Variants in FSTL4 observed in about 807,000 individuals in gnomAD.
The protein encoded by FSTL4 is follistatin-related protein 4.
FSTL4 carries 28 observed loss-of-function variants against 78.2 expected under a neutral mutation model. The ratio of observed to expected loss-of-function variants is 0.36; its 90% CI spans 0.27 to 0.49. The LOEUF (loss-of-function observed/expected upper bound fraction) is 0.49, where lower values mean the gene tolerates loss of function less well. Ranked by LOEUF, FSTL4 falls within the 20% of genes least tolerant of loss-of-function variation. The pLI is 0.98. For synonymous variants in FSTL4, 422 were observed against 440.5 expected, an observed-to-expected ratio of 0.96 and a Z score of 0.53; for missense variants, 922 against 1,084.9, an observed-to-expected ratio of 0.85 and a Z score of 2.11.
intron 2 of FSTL4, among the ~76,000 whole-genome samples, chr5:133,582,929 C>T (rs17693886): frequency 0.23 from 34,733 of 151,990 alleles, 4,266 homozygotes; most frequent in East Asian, 0.29. Flanking sequence ...CATCCCATAG[C>T]GCAGGGGTGC....
Position 133,458,730 on chromosome 5 carries a change from C to A in FSTL4, c.161-57744G>T, listed in dbSNP as rs140583842. Among the ~76,000 whole-genome samples, 407 of 152,368 alleles carry A rather than the reference C, an allele frequency of 2.7e-3. 1 individual carries two copies. Among genetic ancestry groups the A allele is most frequent in the African/African-American group, 9.4e-3 (389 of 41,588 alleles). ...TACCAGGGCCTCACAGACACAAGCA[C>A]TGGCATCACTGTTGTCTGTGGGAGT... is the stretch of plus-strand genomic sequence containing the variant. On this transcript the variant is annotated intron_variant, in intron 3 of 15. Coordinates refer to ENST00000265342, the MANE Select transcript of FSTL4 (RefSeq NM_015082.2).
At chr5:133,442,441 C>A (rs934912527) in intron 3 of FSTL4, among the ~76,000 whole-genome samples, 7 of 152,014 alleles carry the variant, frequency 4.6e-5, no homozygotes, top group Admixed American at 3.3e-4. Flanking sequence ...TTTTATTGAG[C>A]CTTCTCTTCT....
intron 7 of FSTL4, chr5:133,246,508 A>G (rs1213711835): frequency 6.6e-6 from 1 of 152,234 alleles, no homozygotes; most frequent in Non-Finnish European, 1.5e-5. Context: ...CCATGTAAGG[A>G]GCACATCATG....
chr5:133,280,567 C>T (rs1227398624), intron 6 of FSTL4, among the ~76,000 whole-genome samples: 1 of 152,212 alleles, frequency 6.6e-6, no homozygotes, highest in African/African-American at 2.4e-5. Flanking sequence ...AGCCCCAAAG[C>T]AGGTCTCCAA....
chr5:133,240,095 A>G (rs1751795384), intron 7 of FSTL4, among the ~76,000 whole-genome samples: 4 of 152,332 alleles, frequency 2.6e-5, no homozygotes, highest in Admixed American at 2.6e-4. Context: ...TATCAGCTGC[A>G]ACACTCACCC....
At chr5:133,239,984 A>C (rs556449335) in intron 7 of FSTL4, among the ~76,000 whole-genome samples, 2 of 152,344 alleles carry the variant, frequency 1.3e-5, no homozygotes, top group South Asian at 4.1e-4. Flanking sequence ...CCGGAGTCAG[A>C]AGTGGCAACA....
intron 3 of FSTL4, among the ~76,000 whole-genome samples, chr5:133,525,399 A>G (rs1025937345): frequency 3.4e-4 from 51 of 152,156 alleles, no homozygotes; most frequent in African/African-American, 1.2e-3. Flanking sequence ...ACTGAGAAAG[A>G]GCTGCTTAGG....
chr5:133,214,003 T>C (rs191318259), intron 13 of FSTL4, among the ~76,000 whole-genome samples: 2 of 152,246 alleles, frequency 1.3e-5, no homozygotes, highest in Non-Finnish European at 2.9e-5. Context: ...TTACCAGAGA[T>C]AAAGAGGGAT....
At chr5:133,201,800 G>C (rs115912018) in intron 15 of FSTL4, 133 bp downstream of exon 15, 306 of 566,818 alleles carry the variant, frequency 5.4e-4, no homozygotes, top group African/African-American at 5.2e-3. Flanking sequence ...CTGTTCCTTC[G>C]TGATGGGGTC....
chr5:133,482,150 TG>T (rs1213199394), intron 3 of FSTL4, among the ~76,000 whole-genome samples: 1 of 152,212 alleles, frequency 6.6e-6, no homozygotes, highest in African/African-American at 2.4e-5. Context: ...AGACTGTTGA[TG>T]GAATCTGCTC....
In FSTL4 at chr5:133,496,928, G is replaced by A. The variant is rs537566316; in HGVS notation, c.160+70258C>T. Among the ~76,000 whole-genome samples the A allele has an allele frequency of 5.6e-4, 85 of 152,084 alleles. 1 individual carries two copies. Among genetic ancestry groups the A allele is most frequent in the Admixed American group, 3.7e-3 (56 of 15,278 alleles). On this transcript the variant is annotated intron_variant, in intron 3 of 15. Transcript: ENST00000265342. Reference sequence around the variant, plus strand: ...CCCTGACTCCCCCTTACTGCCTCCCGCCCATCTTCTGGTCTTAGCCAGCCC... The same window carrying A: ...CCCTGACTCCCCCTTACTGCCTCCCACCCATCTTCTGGTCTTAGCCAGCCC...
At chr5:133,251,422 T>C (rs1160814417) in intron 6 of FSTL4, among the ~76,000 whole-genome samples, 1 of 152,204 alleles carries the variant, frequency 6.6e-6, no homozygotes, top group Non-Finnish European at 1.5e-5. Context: ...GCTCCTGGTA[T>C]GGAAACAGGC....
the FSTL4 span, among the ~76,000 whole-genome samples, chr5:133,701,146 T>C: frequency 1.3e-5 from 2 of 152,096 alleles, no homozygotes; most frequent in African/African-American, 4.8e-5. Flanking sequence ...CTCATGCATG[T>C]AAACCCAGCA....
At chr5:133,378,987 TA>T (rs371279257) in intron 4 of FSTL4, among the ~76,000 whole-genome samples, 3 of 152,088 alleles carry the variant, frequency 2.0e-5, no homozygotes, top group African/African-American at 7.2e-5. Context: ...TCAGACTGGA[TA>T]AAAAAGTAAT....
chr5:133,482,046 C>T (rs1580737009), intron 3 of FSTL4, among the ~76,000 whole-genome samples: 1 of 152,202 alleles, frequency 6.6e-6, no homozygotes, highest in South Asian at 2.1e-4. Context: ...TGCGGTCTGG[C>T]GATGTCTGCC....
intron 3 of FSTL4, among the ~76,000 whole-genome samples, chr5:133,555,344 A>C (rs1286427674): frequency 6.6e-6 from 1 of 152,228 alleles, no homozygotes; most frequent in East Asian, 1.9e-4. Context: ...TTATTTTCAG[A>C]GGAAGCCTTG....
chr5:133,474,834 A>G (rs1011568771), intron 3 of FSTL4, among the ~76,000 whole-genome samples: 1 of 152,212 alleles, frequency 6.6e-6, no homozygotes, highest in African/African-American at 2.4e-5. Flanking sequence ...GTTTTGACTG[A>G]TAAGTATCTC....
chr5:133,718,098 G>GTT, the FSTL4 span, among the ~76,000 whole-genome samples: 1 of 150,184 alleles, frequency 6.7e-6, no homozygotes, highest in South Asian at 2.1e-4. Context: ...TTTGGTTTTT[G>GTT]GTTTTTTTTT....
chr5:133,525,103 C>T (rs1377945642), intron 3 of FSTL4, among the ~76,000 whole-genome samples: 1 of 152,168 alleles, frequency 6.6e-6, no homozygotes, highest in African/African-American at 2.4e-5. Flanking sequence ...GCAAAACAGG[C>T]CCACAGTCGA....
Sources: allele counts gnomAD v4.1 joint callset (sites outside exome capture counted in the v4.1 genomes callset), GRCh38; gene constraint gnomAD v4.1.1; transcripts MANE v1.5; gene names NCBI Gene and HGNC (gene_info 2026-07-23, HGNC 2026-07-21).